Variants in ECT2 observed in about 807,000 individuals in gnomAD.
The protein encoded by ECT2 is protein ECT2.
In ECT2, 61 loss-of-function variants were observed where a neutral mutation model predicts 116.9. That is an observed-to-expected ratio of 0.52 (90% confidence interval 0.42 to 0.65). The LOEUF (loss-of-function observed/expected upper bound fraction) is 0.65. ECT2 is among the 30% of genes least tolerant of loss of function. The pLI is 0.00. For synonymous variants in ECT2, 358 were observed against 346.4 expected, an observed-to-expected ratio of 1.03 and a Z score of -0.37; for missense variants, 937 against 1,078.7, an observed-to-expected ratio of 0.87 and a Z score of 1.84.
chr3:172,812,619 A>G (rs1560025458), intron 22 of ECT2, among the ~76,000 whole-genome samples: 1 of 152,188 alleles, frequency 6.6e-6, no homozygotes, highest in Non-Finnish European at 1.5e-5. Context: ...ATAATGACAT[A>G]ATTGTACATG....
At chr3:172,778,755 C>T (rs1722201639) in intron 14 of ECT2, among the ~76,000 whole-genome samples, 1 of 152,008 alleles carries the variant, frequency 6.6e-6, no homozygotes, top group Non-Finnish European at 1.5e-5. Context: ...GCCACCATGC[C>T]TGGCTAGTTT....
At chr3:172,795,566 TCTTA>T (rs766711366) in intron 18 of ECT2, among the ~76,000 whole-genome samples, 78 of 152,286 alleles carry the variant, frequency 5.1e-4, no homozygotes, top group African/African-American at 1.5e-3. Flanking sequence ...CACTTTAGGT[TCTTA>T]CTTAGGTAAA....
At chr3:172,756,346 T>C (rs77851617) in intron 4 of ECT2, among the ~76,000 whole-genome samples, 3,436 of 152,296 alleles carry the variant, frequency 0.023, 56 homozygotes, top group Non-Finnish European at 0.036. Flanking sequence ...ATAGGTACTT[T>C]AGTATCTTCA....
At chr3:172,819,324 A>G (rs999455449) in intron 24 of ECT2, among the ~76,000 whole-genome samples, 15 of 152,082 alleles carry the variant, frequency 9.9e-5, no homozygotes, top group African/African-American at 3.6e-4. Flanking sequence ...ATGTTAAAAC[A>G]GTAGCCTTAT....
Position 172,821,217 on chromosome 3 carries a change from T to G in ECT2, c.*980T>G, listed in dbSNP as rs1560041369. ...TTTCAAAGTGTGATATCTTTCACAATAGCCTTTTTATAGTCAGTAATTCAG... is the reference window on the plus strand; with the variant it reads ...TTTCAAAGTGTGATATCTTTCACAAGAGCCTTTTTATAGTCAGTAATTCAG... On this transcript the variant is annotated 3_prime_UTR_variant, in exon 25 of 25. Coordinates refer to ENST00000392692, the MANE Select transcript of ECT2 (RefSeq NM_001258315.2). The G allele has an allele frequency of 6.6e-6, 1 of 151,954 alleles. No homozygotes were observed. The highest frequency in any genetic ancestry group is 1.5e-5 in the Non-Finnish European group (1 of 67,816). The allele number at this position is 151,954 out of a possible 1,614,324, so 9.4% of individuals were successfully genotyped here. A position where few individuals can be genotyped will look rare whatever the true frequency, so the allele number is the denominator to read the frequency against.
Position 172,805,723 on chromosome 3 carries a change from A to G in ECT2, c.2107-8A>G. 1 of 1,610,328 alleles carries G rather than the reference A, an allele frequency of 6.2e-7. No individual in the cohort carries two copies. The highest frequency in any genetic ancestry group is 8.5e-7 in the Non-Finnish European group (1 of 1,178,804). ...ATTGACTGATACTTTTTTATTTTCTATAATCAGATAGCAAGAAAACGGCAC... is the reference window on the plus strand; with the variant it reads ...ATTGACTGATACTTTTTTATTTTCTGTAATCAGATAGCAAGAAAACGGCAC... On this transcript the variant is annotated splice_region_variant and splice_polypyrimidine_tract_variant and intron_variant, in intron 20 of 24. Coordinates refer to ENST00000392692, the MANE Select transcript of ECT2 (RefSeq NM_001258315.2).
chr3:172,819,068 C>T (rs929591538), intron 24 of ECT2, among the ~76,000 whole-genome samples: 3 of 151,914 alleles, frequency 2.0e-5, no homozygotes, highest in Non-Finnish European at 4.4e-5. Flanking sequence ...GATTTATATT[C>T]CAAATCTGAT....
At chr3:172,801,327 C>G (rs1168343126) in intron 18 of ECT2, among the ~76,000 whole-genome samples, 1 of 152,146 alleles carries the variant, frequency 6.6e-6, no homozygotes, top group Non-Finnish European at 1.5e-5. Context: ...TAGGCAGAAT[C>G]AGAACAGTAT....
At chr3:172,824,745 A>C (rs987616634), downstream of ECT2, among the ~76,000 whole-genome samples, 4 of 152,176 alleles carry the variant, frequency 2.6e-5, no homozygotes, top group Non-Finnish European at 2.9e-5. Flanking sequence ...ATTGCAGAGT[A>C]CTCCACTGTG....
intron 22 of ECT2, among the ~76,000 whole-genome samples, chr3:172,811,018 A>G (rs1728675918): frequency 6.6e-6 from 1 of 152,174 alleles, no homozygotes; most frequent in Non-Finnish European, 1.5e-5. Context: ...GAATTATAGT[A>G]AGTATCTATT....
At chr3:172,777,828 G>A (rs1291877310) in intron 14 of ECT2, among the ~76,000 whole-genome samples, 1 of 152,200 alleles carries the variant, frequency 6.6e-6, no homozygotes, top group African/African-American at 2.4e-5. Flanking sequence ...GAACCCAGGA[G>A]GCAGAGGTTG....
chr3:172,770,682 AT>A (rs1271941870), intron 13 of ECT2, among the ~76,000 whole-genome samples: 1 of 152,032 alleles, frequency 6.6e-6, no homozygotes. Context: ...TAGGACTGAT[AT>A]TTTCCTTTTT....
intron 24 of ECT2, among the ~76,000 whole-genome samples, chr3:172,817,484 C>T (rs972504222): frequency 2.0e-5 from 3 of 152,016 alleles, no homozygotes; most frequent in Non-Finnish European, 4.4e-5. Context: ...TTATACAGAT[C>T]GGTTCCAATG....
chr3:172,775,343 A>T (rs1187613498), intron 14 of ECT2, among the ~76,000 whole-genome samples: 1 of 152,204 alleles, frequency 6.6e-6, no homozygotes, highest in Admixed American at 6.5e-5. Flanking sequence ...ATAAACAAAA[A>T]ATAGAAGATC....
At chr3:172,823,607 C>A (rs747097742), downstream of ECT2, among the ~76,000 whole-genome samples, 7 of 152,136 alleles carry the variant, frequency 4.6e-5, no homozygotes, top group Non-Finnish European at 1.0e-4. Flanking sequence ...AATAAAGCAG[C>A]TATCTCAATA....
chr3:172,797,469 CTG>C (rs1725932815), intron 18 of ECT2, among the ~76,000 whole-genome samples: 1 of 152,190 alleles, frequency 6.6e-6, no homozygotes, highest in Non-Finnish European at 1.5e-5. Context: ...GCTTTCATAA[CTG>C]TTTTCTGTGG....
chr3:172,815,638 T>C lies in ECT2; in HGVS notation c.2435T>C (p.Phe812Ser). The C allele has an allele frequency of 6.2e-7, 1 of 1,600,806 alleles. No individual in the cohort carries two copies. The highest frequency in any genetic ancestry group is 8.5e-7 in the Non-Finnish European group (1 of 1,174,322). Residue 812 changes from phenylalanine (F) to serine (S), a missense_variant, in exon 23 of 25, where the codon TTT becomes TCT. Transcript: ENST00000392692. ...NLIYTADPES[F>S]EVNTKDMDST... The stretch of plus-strand genomic sequence containing the variant: ...ATTTATACTGCTGATCCAGAATCCT[T>C]TGAAGTAAATACAAAAGATATGGAC...
chr3:172,807,737 CACTT>C lies in ECT2; in HGVS notation c.2246-31_2246-28del, dbSNP rs550542716. The C allele has an allele frequency of 6.4e-4, 1,009 of 1,588,116 alleles. 9 individuals carry two copies. The South Asian group carries it at 8.4e-3, about 13-fold the overall frequency. ...ACATCTGTCATTTTCCAAGGAGTGACACTTAATGTTTATGGTTATTCTGGAACCC... is the reference window on the plus strand; with the variant it reads ...ACATCTGTCATTTTCCAAGGAGTGACAATGTTTATGGTTATTCTGGAACCC... On this transcript the variant is annotated intron_variant, in intron 21 of 24. Coordinates refer to ENST00000392692, the MANE Select transcript of ECT2 (RefSeq NM_001258315.2).
At chr3:172,783,310 T>G (rs1185145802) in intron 15 of ECT2, among the ~76,000 whole-genome samples, 1 of 152,194 alleles carries the variant, frequency 6.6e-6, no homozygotes, top group East Asian at 1.9e-4. Flanking sequence ...TGGTTGAGAA[T>G]TAAAAATTTA....
Sources: allele counts gnomAD v4.1 joint callset (sites outside exome capture counted in the v4.1 genomes callset), GRCh38; gene constraint gnomAD v4.1.1; transcripts MANE v1.5; gene names NCBI Gene and HGNC (gene_info 2026-07-23, HGNC 2026-07-21).